DYRK1A: variants seen among roughly 807,000 people sequenced by gnomAD.
The protein encoded by DYRK1A is dual specificity tyrosine phosphorylation regulated kinase 1A.
In DYRK1A, 9 loss-of-function variants were observed where a neutral mutation model predicts 79.7. The observed-to-expected ratio is 0.11, with a 90% CI of 0.07 to 0.20. The LOEUF is 0.20. Ranked by LOEUF, DYRK1A falls within the 10% of genes least tolerant of loss-of-function variation. The pLI is 1.00. For missense variants in DYRK1A, 622 were observed against 956.0 expected (o/e 0.65, Z 4.61); for synonymous variants, 349 against 329.7 (o/e 1.06, Z -0.63).
rs748720969 is a variant in DYRK1A, at chr21:37,438,220, T to C, written c.10+17836T>C. ...TCTTATACATTTGATACAAATCCTT[T>C]ATCAAATACATGATTTGCTAAGCTT... On this transcript the variant is annotated intron_variant, in intron 2 of 11. Coordinates refer to ENST00000647188, the MANE Select transcript of DYRK1A (RefSeq NM_001347721.2). Among the ~76,000 whole-genome samples the C allele has an allele frequency of 4.6e-5, 7 of 152,312 alleles. No homozygotes were observed. The South Asian group carries it at 1.4e-3, about 32-fold the overall frequency.
chr21:37,416,382 G>A (rs2050341325), intron 1 of DYRK1A, among the ~76,000 whole-genome samples: 1 of 131,248 alleles, frequency 7.6e-6, no homozygotes, highest in Admixed American at 8.3e-5. Context: ...AGTGATAAAT[G>A]TTCTGGGTTT....
chr21:37,387,518 G>C (rs1443875803), intron 1 of DYRK1A, among the ~76,000 whole-genome samples: 1 of 152,030 alleles, frequency 6.6e-6, no homozygotes, highest in Non-Finnish European at 1.5e-5. Flanking sequence ...AAAAATATCC[G>C]ACAGTTGTTT....
chr21:37,408,675 G>C (rs1435458393), intron 1 of DYRK1A, among the ~76,000 whole-genome samples: 1 of 152,176 alleles, frequency 6.6e-6, no homozygotes, highest in East Asian at 1.9e-4. Flanking sequence ...AAACTCATTT[G>C]TTCCACTCTT....
At chr21:37,451,785 A>AG (rs2051461700) in intron 2 of DYRK1A, among the ~76,000 whole-genome samples, 2 of 152,206 alleles carry the variant, frequency 1.3e-5, no homozygotes, top group Non-Finnish European at 2.9e-5. Context: ...GTTAGGTGAC[A>AG]GGTAAGTGTT....
At chr21:37,478,814 T>TTATC (rs1284726844) in intron 4 of DYRK1A, among the ~76,000 whole-genome samples, 1 of 152,230 alleles carries the variant, frequency 6.6e-6, no homozygotes, top group Non-Finnish European at 1.5e-5. Flanking sequence ...GTGTGTTCTT[T>TTATC]TATCTATATC....
chr21:37,396,089 TG>T (rs1305762342), intron 1 of DYRK1A, among the ~76,000 whole-genome samples: 1 of 151,990 alleles, frequency 6.6e-6, no homozygotes, highest in African/African-American at 2.4e-5. Flanking sequence ...GGCCAGTAGG[TG>T]AAGTGGGTGG....
chr21:37,492,111 A>G (rs2053117488), intron 7 of DYRK1A, among the ~76,000 whole-genome samples: 1 of 152,196 alleles, frequency 6.6e-6, no homozygotes, highest in Non-Finnish European at 1.5e-5. Flanking sequence ...TAACAATGGT[A>G]TTGGCTTATA....
At chr21:37,443,489 TG>T (rs1431079025) in intron 2 of DYRK1A, among the ~76,000 whole-genome samples, 1 of 152,220 alleles carries the variant, frequency 6.6e-6, no homozygotes, top group East Asian at 1.9e-4. Flanking sequence ...CGAGTATTTT[TG>T]TATTTCTTCT....
At chr21:37,368,479 C>G (rs1233218928) in intron 1 of DYRK1A, among the ~76,000 whole-genome samples, 1 of 152,310 alleles carries the variant, frequency 6.6e-6, no homozygotes, top group South Asian at 2.1e-4. Context: ...CTTGCCTGTG[C>G]CTTTCGCCCA....
At chr21:37,502,120 CAT>C (rs1433925136) in intron 9 of DYRK1A, 3 of 152,076 alleles carry the variant, frequency 2.0e-5, no homozygotes, top group African/African-American at 7.2e-5. Context: ...AAATATGCAA[CAT>C]GTGTAGACAC....
chr21:37,371,943 A>G (rs2049439429), intron 1 of DYRK1A, among the ~76,000 whole-genome samples: 3 of 152,134 alleles, frequency 2.0e-5, no homozygotes, highest in Non-Finnish European at 4.4e-5. Flanking sequence ...TAATTTTTAA[A>G]AAAGCTTTCA....
intron 5 of DYRK1A, among the ~76,000 whole-genome samples, chr21:37,482,751 A>G (rs1026060179): frequency 5.9e-5 from 9 of 152,164 alleles, no homozygotes; most frequent in African/African-American, 1.9e-4. Flanking sequence ...AGTCTCGACC[A>G]TAGAAGACGG....
At chr21:37,463,525 C>A (rs2051922721) in intron 2 of DYRK1A, among the ~76,000 whole-genome samples, 1 of 152,186 alleles carries the variant, frequency 6.6e-6, no homozygotes, top group African/African-American at 2.4e-5. Flanking sequence ...TTAAAAAATA[C>A]TACATTCATC....
At chr21:37,400,810 C>G (rs2050038485) in intron 1 of DYRK1A, among the ~76,000 whole-genome samples, 1 of 152,136 alleles carries the variant, frequency 6.6e-6, no homozygotes, top group Admixed American at 6.6e-5. Flanking sequence ...CAAAAATATA[C>G]TATGATTGTA....
In DYRK1A at chr21:37,505,433, C is replaced by T. The variant is rs756860738; in HGVS notation, c.1363C>T (p.Pro455Ser). 6.2e-7 allele frequency: 1 copy of T among 1,614,050 alleles called. No individual in the cohort carries two copies. The highest frequency in any genetic ancestry group is 8.5e-7 in the Non-Finnish European group (1 of 1,180,022). Residue 455 changes from proline to serine, a missense_variant, in exon 10 of 12, where the codon CCC becomes TCC. By Grantham distance (74) the Pro-to-Ser change is moderately conservative. Coordinates refer to ENST00000647188, the MANE Select transcript of DYRK1A (RefSeq NM_001347721.2). ...CATTTTAAGGATGCTTGATTATGAC[C>T]CCAAAACTCGAATTCAACCTTATTA... ...DLILRMLDYDPKTRIQPYYAL... is the reference protein window; with the variant it reads ...DLILRMLDYDSKTRIQPYYAL...
chr21:37,511,992 C>G lies in DYRK1A; in HGVS notation c.1726C>G (p.Gln576Glu). 1.2e-6 allele frequency: 2 copies of G among 1,614,152 alleles called. No individual in the cohort carries two copies. Among genetic ancestry groups the G allele is most frequent in the Non-Finnish European group, 1.7e-6 (2 of 1,180,014 alleles). Residue 576 changes from glutamine to glutamate, a missense_variant, in exon 12 of 12, where the codon CAA becomes GAA. Coordinates refer to ENST00000647188, the MANE Select transcript of DYRK1A (RefSeq NM_001347721.2). ...TQVTVETHPV[Q>E]ETTFHVAPQQ... ...GGTCACTGTTGAAACTCATCCTGTT[C>G]AAGAAACAACCTTTCATGTAGCCCC...
At chr21:37,448,347 C>G (rs1214716456) in intron 2 of DYRK1A, among the ~76,000 whole-genome samples, 1 of 152,032 alleles carries the variant, frequency 6.6e-6, no homozygotes, top group Non-Finnish European at 1.5e-5. Context: ...AACTCTTGTT[C>G]TGGTGGAGGG....
At chr21:37,462,930 A>C (rs1374490836) in intron 2 of DYRK1A, among the ~76,000 whole-genome samples, 1 of 152,206 alleles carries the variant, frequency 6.6e-6, no homozygotes, top group Non-Finnish European at 1.5e-5. Flanking sequence ...ATGATGAATG[A>C]GGGAGTCTGG....
chr21:37,423,413 C>T (rs1465164803), intron 2 of DYRK1A, among the ~76,000 whole-genome samples: 2 of 152,128 alleles, frequency 1.3e-5, no homozygotes, highest in Non-Finnish European at 2.9e-5. Context: ...CCTTTTGAAT[C>T]ACAAGTAACC....
Sources: gnomAD v4.1 joint callset for allele counts (sites outside exome capture counted in the v4.1 genomes callset) on GRCh38, gnomAD v4.1.1 for gene constraint, MANE v1.5 for transcripts, NCBI Gene and HGNC (gene_info 2026-07-23, HGNC 2026-07-21) for gene names.